Variants in CA13 observed in about 807,000 individuals in gnomAD.
CA13 encodes the protein CA-XIII.
A neutral mutation model predicts 31.5 loss-of-function variants in CA13; 21 were observed. The ratio of observed to expected loss-of-function variants is 0.67; its 90% CI spans 0.47 to 0.96. The LOEUF is 0.96. CA13 is among the 40% of genes least tolerant of loss of function. CA13 has a pLI of 0.00. For missense variants in CA13, 315 were observed against 318.9 expected, an observed-to-expected ratio of 0.99 and a Z score of 0.09; for synonymous variants, 117 against 111.4, an observed-to-expected ratio of 1.05 and a Z score of -0.32.
intron 2 of CA13, among the ~76,000 whole-genome samples, chr8:85,253,995 A>T (rs901779979): frequency 2.0e-5 from 3 of 152,132 alleles, no homozygotes; most frequent in Admixed American, 6.5e-5. Context: ...ATAAAAAAAT[A>T]AGGCCGGGTG....
At chr8:85,261,488 G>A (rs994091962) in intron 3 of CA13, among the ~76,000 whole-genome samples, 3 of 151,530 alleles carry the variant, frequency 2.0e-5, no homozygotes, top group South Asian at 2.1e-4. Context: ...ATGCGATGGT[G>A]CGATCTTGGC....
chr8:85,269,344 A>C (rs1807496971), intron 6 of CA13, among the ~76,000 whole-genome samples: 1 of 152,074 alleles, frequency 6.6e-6, no homozygotes, highest in Non-Finnish European at 1.5e-5. Flanking sequence ...CCAGCTACTC[A>C]AGGGGTTGAG....
intron 1 of CA13, chr8:85,246,267 A>C: frequency 2.1e-6 from 1 of 465,420 alleles, no homozygotes; most frequent in Non-Finnish European, 4.2e-6. Flanking sequence ...TTTTAAGCTC[A>C]CTATTCACTT....
intron 1 of CA13, chr8:85,249,974 C>T (rs564310301): frequency 1.8e-5 from 5 of 273,970 alleles, no homozygotes; most frequent in South Asian, 1.2e-4. Context: ...ACGATTTTGA[C>T]GTTTTTGAGT....
intron 2 of CA13, among the ~76,000 whole-genome samples, chr8:85,253,860 A>G (rs1807236731): frequency 1.3e-5 from 2 of 152,236 alleles, no homozygotes; most frequent in African/African-American, 4.8e-5. Context: ...TGTAATAGAT[A>G]TATTGTAAAA....
chr8:85,246,503 C>T (rs1040912891), intron 1 of CA13: 52 of 455,908 alleles, frequency 1.1e-4, no homozygotes, highest in African/African-American at 9.8e-4. Context: ...TTGTGGGTTA[C>T]TTCTCCACTC....
At chr8:85,278,094 TC>T (rs1807642543) in intron 6 of CA13, among the ~76,000 whole-genome samples, 1 of 150,578 alleles carries the variant, frequency 6.6e-6, no homozygotes, top group African/African-American at 2.5e-5. Context: ...AACCCTGTCT[TC>T]ACTTAAAAAA....
chr8:85,277,746 G>T (rs547040184), intron 6 of CA13, among the ~76,000 whole-genome samples: 2 of 152,052 alleles, frequency 1.3e-5, no homozygotes, highest in South Asian at 4.1e-4. Flanking sequence ...GGCATCAGCC[G>T]GAAGTGAGGA....
intron 6 of CA13, among the ~76,000 whole-genome samples, chr8:85,275,742 T>G (rs534670472): frequency 6.6e-6 from 1 of 152,356 alleles, no homozygotes; most frequent in African/African-American, 2.4e-5. Flanking sequence ...TACCGGATAC[T>G]CCTAGATTTT....
intron 5 of CA13, 57 bp from the exon 6 acceptor site, chr8:85,268,415 G>T: frequency 1.4e-6 from 2 of 1,466,242 alleles, no homozygotes; most frequent in South Asian, 2.4e-5. Context: ...TATGTTTTTT[G>T]AGGTCTATGT....
chr8:85,260,773 T>TGCATTCTAAAGTTTTATGTTC (rs1280287001), intron 3 of CA13, among the ~76,000 whole-genome samples: 10 of 152,344 alleles, frequency 6.6e-5, no homozygotes, highest in African/African-American at 2.2e-4. Context: ...TTTTCATGTT[T>TGCATTCTAAAGTTTTATGTTC]GCTTTCTAAA....
At chr8:85,266,148 G>T (rs1299064452) in intron 3 of CA13, among the ~76,000 whole-genome samples, 1 of 152,178 alleles carries the variant, frequency 6.6e-6, no homozygotes, top group Admixed American at 6.5e-5. Flanking sequence ...GCTGGAGTTT[G>T]TTAGGGCTGA....
At chr8:85,259,380 A>AT (rs1564001592) in intron 2 of CA13, 41 bp from the exon 3 acceptor site, 1 of 1,522,226 alleles carries the variant, frequency 6.6e-7, no homozygotes, top group Non-Finnish European at 9.1e-7. Context: ...TTATGTAAAT[A>AT]TTTTTTCCTT....
chr8:85,261,718 G>A (rs192586704), intron 3 of CA13, among the ~76,000 whole-genome samples: 1 of 152,068 alleles, frequency 6.6e-6, no homozygotes, highest in African/African-American at 2.4e-5. Flanking sequence ...GAGCCACCGC[G>A]CCCGGCCAGT....
intron 6 of CA13, among the ~76,000 whole-genome samples, chr8:85,277,987 G>GC (rs765106629): frequency 1.3e-5 from 2 of 151,930 alleles, no homozygotes; most frequent in East Asian, 1.9e-4. Flanking sequence ...AAACTTTCAG[G>GC]CCCCGGGGGA....
At chr8:85,276,353 G>A (rs554339134) in intron 6 of CA13, among the ~76,000 whole-genome samples, 13 of 152,278 alleles carry the variant, frequency 8.5e-5, no homozygotes, top group Admixed American at 5.2e-4. Flanking sequence ...CCAAACGATC[G>A]CTGCCCCCTG....
chr8:85,255,501 A>C (rs1276189963), intron 2 of CA13, among the ~76,000 whole-genome samples: 1 of 151,842 alleles, frequency 6.6e-6, no homozygotes, highest in East Asian at 1.9e-4. Context: ...TGGCATTTTT[A>C]GTAGAGACAG....
intron 1 of CA13, among the ~76,000 whole-genome samples, chr8:85,249,191 G>A (rs904347964): frequency 2.6e-5 from 4 of 152,148 alleles, no homozygotes; most frequent in Admixed American, 6.5e-5. Context: ...ATGAGGCATA[G>A]TAAGCAGTAT....
At chr8:85,261,563 A>G (rs1188763695) in intron 3 of CA13, among the ~76,000 whole-genome samples, 3 of 151,754 alleles carry the variant, frequency 2.0e-5, no homozygotes, top group African/African-American at 4.8e-5. Flanking sequence ...AGTAGCTGGG[A>G]TTACAGGCAT....
Sources: allele counts gnomAD v4.1 joint callset (sites outside exome capture counted in the v4.1 genomes callset), GRCh38; gene constraint gnomAD v4.1.1; transcripts MANE v1.5; gene names NCBI Gene and HGNC (gene_info 2026-07-23, HGNC 2026-07-21).